Variants in DNMT3A observed in about 807,000 individuals in gnomAD.
DNMT3A encodes DNA methyltransferase 3 alpha.
Under a neutral mutation model 117.6 loss-of-function variants are expected in DNMT3A, and 267 were observed. That is an observed-to-expected ratio of 2.27 (90% CI 2.05 to 2.51). The LOEUF is 2.51. Ranked by LOEUF, DNMT3A falls within the 30% of genes most tolerant of loss-of-function variation. DNMT3A has a pLI of 0.00. For synonymous variants in DNMT3A, 432 were observed against 474.8 expected, an observed-to-expected ratio of 0.91 and a Z score of 1.17; for missense variants, 1,029 against 1,260.2, an observed-to-expected ratio of 0.82 and a Z score of 2.78.
At position 25,241,648 on chromosome 2, in the gene DNMT3A, A is replaced by T; in HGVS notation, c.1996T>A (p.Cys666Ser). The T allele has an allele frequency of 6.2e-7, 1 of 1,614,096 alleles. No homozygotes were observed. Among genetic ancestry groups the T allele is most frequent in the Non-Finnish European group, 8.5e-7 (1 of 1,180,000 alleles). ...QVDRYIASEV[C>S]EDSITVGMVR... is the part of the protein sequence containing the mutation. ...ATGCCCACCGTGATGGAGTCCTCAC[A>T]CACCTCCGAGGCAATGTAGCGGTCC... is the stretch of plus-strand genomic sequence containing the variant. The change falls in exon 17 of 23, where the codon TGT becomes AGT. Residue 666 changes from cysteine to serine, a missense_variant. Transcript: ENST00000321117.
chr2:25,251,171 A>T (rs1459794772), intron 6 of DNMT3A, among the ~76,000 whole-genome samples: 1 of 70,548 alleles, frequency 1.4e-5, no homozygotes. Flanking sequence ...GGGGTGGGTG[A>T]GCAGCAGGGG....
chr2:25,302,190 G>A (rs1376117355), intron 2 of DNMT3A, among the ~76,000 whole-genome samples: 5 of 152,098 alleles, frequency 3.3e-5, no homozygotes, highest in Non-Finnish European at 7.4e-5. Flanking sequence ...GCTCACACAG[G>A]AGATAGAGAG....
chr2:25,238,824 C>T (rs117723900), intron 20 of DNMT3A, among the ~76,000 whole-genome samples: 9 of 152,294 alleles, frequency 5.9e-5, no homozygotes, highest in East Asian at 1.9e-4. Context: ...CCAGAGGGCT[C>T]GGGACACATC....
intron 3 of DNMT3A, among the ~76,000 whole-genome samples, chr2:25,287,740 C>CCA (rs1171490403): frequency 8.6e-5 from 13 of 151,708 alleles, no homozygotes; most frequent in African/African-American, 3.1e-4. Context: ...CCCCCGCCCC[C>CCA]AACAGAGATT....
chr2:25,282,739 G>A lies in DNMT3A; in HGVS notation c.178-28C>T, dbSNP rs776296176. 9 of 1,513,042 alleles carry A rather than the reference G, an allele frequency of 5.9e-6. No individual in the cohort carries two copies. Among genetic ancestry groups the A allele is most frequent in the East Asian group, 2.3e-5 (1 of 43,482 alleles). The allele number at this position is 1,513,042 out of a possible 1,614,324, so 93.7% of individuals were successfully genotyped here. On this transcript the variant is annotated intron_variant, in intron 3 of 22. Coordinates refer to ENST00000321117, the MANE Select transcript of DNMT3A (RefSeq NM_022552.5). This position sits in a 1 kb window ranked among gnomAD's most constrained non-coding sequence, Gnocchi z 5.2. ...GCAAATGTAAGAAAGATACACAAGA[G>A]GAGGGTTAGATCAGTGGGCTTAGCC...
chr2:25,320,103 C>T (rs1311829107), intron 1 of DNMT3A, among the ~76,000 whole-genome samples: 1 of 152,132 alleles, frequency 6.6e-6, no homozygotes, highest in East Asian at 1.9e-4. Context: ...GATGTGTGTC[C>T]TGGAAGATGT....
chr2:25,234,605 A>T lies in DNMT3A; in HGVS notation c.2598-185T>A, dbSNP rs1673147460. Among the ~76,000 whole-genome samples the T allele has an allele frequency of 6.6e-6, 1 of 152,156 alleles. No homozygotes were observed. Among genetic ancestry groups the T allele is most frequent in the African/African-American group, 2.4e-5 (1 of 41,426 alleles). ...CTGCCGAATCTTCTGTCCTTTATAA[A>T]CAACCCGGCACTCAGATCACCAACC... On this transcript the variant is annotated intron_variant, in intron 22 of 22. Transcript: ENST00000321117. This position sits in a 1 kb window ranked among gnomAD's most constrained non-coding sequence, Gnocchi z 4.5.
At chr2:25,290,603 T>C (rs2032682149) in intron 3 of DNMT3A, among the ~76,000 whole-genome samples, 1 of 152,236 alleles carries the variant, frequency 6.6e-6, no homozygotes, top group African/African-American at 2.4e-5. Context: ...ATTACAGGCG[T>C]GAGCCACCAC....
intron 3 of DNMT3A, among the ~76,000 whole-genome samples, chr2:25,289,193 C>T (rs1318170317): frequency 6.6e-6 from 1 of 152,100 alleles, no homozygotes; most frequent in Admixed American, 6.5e-5. Context: ...ACCTCCACCT[C>T]CCGGATTCAA....
chr2:25,342,235 G>C (rs886222643), upstream of DNMT3A, among the ~76,000 whole-genome samples: 2 of 147,470 alleles, frequency 1.4e-5, no homozygotes, highest in African/African-American at 2.5e-5. The surrounding 1 kb of genome is among the most constrained non-coding windows in gnomAD (Gnocchi z 5.9). Flanking sequence ...CCCTCGGCGC[G>C]ACTTCCCGGC....
rs1325765349 is a variant in DNMT3A, at chr2:25,293,735, A to T, written c.177+6404T>A. On this transcript the variant is annotated intron_variant, in intron 3 of 22. Coordinates refer to ENST00000321117, the MANE Select transcript of DNMT3A (RefSeq NM_022552.5). This position sits in a 1 kb window ranked among gnomAD's most constrained non-coding sequence, Gnocchi z 4.7. ...AGCCCAGGCTGGAGTGCAGTGGCAC[A>T]ATCTCGGCTCACTGCAACCTCTGCC... Among the ~76,000 whole-genome samples the T allele has an allele frequency of 1.3e-5, 2 of 152,148 alleles. No homozygotes were observed. Among genetic ancestry groups the T allele is most frequent in the Non-Finnish European group, 2.9e-5 (2 of 68,016 alleles).
rs778834189 is a variant in DNMT3A at position 25,244,614 on chromosome 2, G to A, written c.1593C>T (p.Asp531=). The change falls in exon 14 of 23, where the codon GAC becomes GAT. Residue 531 remains aspartate (D), a synonymous_variant. Transcript: ENST00000321117. ...AGATGGTGCAGTAGGACTGGTAGCC[G>A]TCGTCGTCGTACTGGTACGCACACT... The part of the protein sequence containing the change: ...FLECAYQYDD[D]GYQSYCTICC... 2.5e-6 allele frequency: 4 copies of A among 1,614,080 alleles called. No individual in the cohort carries two copies. The highest frequency in any genetic ancestry group is 2.5e-6 in the Non-Finnish European group (3 of 1,179,946).
At chr2:25,250,380 C>A (rs552704518) in intron 6 of DNMT3A, among the ~76,000 whole-genome samples, 1 of 152,318 alleles carries the variant, frequency 6.6e-6, no homozygotes, top group African/African-American at 2.4e-5. Context: ...AATTCTAAAA[C>A]AGGATAATGC....
At chr2:25,242,414 G>C (rs1419567965) in intron 16 of DNMT3A, among the ~76,000 whole-genome samples, 1 of 152,190 alleles carries the variant, frequency 6.6e-6, no homozygotes, top group African/African-American at 2.4e-5. Context: ...GGGAGAAACA[G>C]GGTACGGCAC....
intron 6 of DNMT3A, among the ~76,000 whole-genome samples, chr2:25,261,538 C>T (rs1233984569): frequency 2.1e-5 from 3 of 141,460 alleles, no homozygotes; most frequent in Non-Finnish European, 3.0e-5. Context: ...ACCCAGGAGG[C>T]GGAGGTTGAA....
chr2:25,240,335 A>G lies in DNMT3A; in HGVS notation c.2289T>C (p.Val763=), dbSNP rs2149271318. The G allele has an allele frequency of 1.2e-6, 2 of 1,614,224 alleles. No homozygotes were observed. Among genetic ancestry groups the G allele is most frequent in the Non-Finnish European group, 1.7e-6 (2 of 1,180,042 alleles). Residue 763 remains valine, a synonymous_variant, in exon 19 of 23, where the codon GTT becomes GTC. Transcript: ENST00000321117. ...WLFENVVAMG[V]SDKRDISRFL... is the part of the protein sequence containing the mutation. ...ATCGCGAGATGTCCCTCTTGTCACT[A>G]ACGCCCATGGCCACCACATTCTCAA...
At position 25,286,324 on chromosome 2, in the gene DNMT3A, G is replaced by A. The variant is rs2032308518; in HGVS notation, c.178-3613C>T. Among the ~76,000 whole-genome samples, 1 of 152,228 alleles carries A rather than the reference G, an allele frequency of 6.6e-6. No homozygotes were observed. The highest frequency in any genetic ancestry group is 1.5e-5 in the Non-Finnish European group (1 of 68,028). On this transcript the variant is annotated intron_variant, in intron 3 of 22. Transcript: ENST00000321117. The surrounding 1 kb of genome is among the most constrained non-coding windows in gnomAD (Gnocchi z 4.3). ...CCCAGTCTGCAACAGCACCAGATGC[G>A]CCATTCTCCCAGAGATGCCCCCAAA... is the stretch of plus-strand genomic sequence containing the variant.
At chr2:25,315,958 G>A (rs984827453) in intron 1 of DNMT3A, among the ~76,000 whole-genome samples, 4 of 152,236 alleles carry the variant, frequency 2.6e-5, no homozygotes, top group Middle Eastern at 3.2e-3. Context: ...CCCAAAGTCC[G>A]CAGGGGTGGG....
intron 6 of DNMT3A, among the ~76,000 whole-genome samples, chr2:25,258,180 G>T (rs1038586913): frequency 3.9e-5 from 6 of 152,190 alleles, no homozygotes; most frequent in Admixed American, 3.9e-4. Context: ...AGATGATTTG[G>T]GCTAAAAGAG....
Sources: gnomAD v4.1 joint callset for allele counts (sites outside exome capture counted in the v4.1 genomes callset) on GRCh38, gnomAD v4.1.1 for gene constraint, Gnocchi (gnomAD v3.1) non-coding constraint, MANE v1.5 for transcripts, NCBI Gene and HGNC (gene_info 2026-07-23, HGNC 2026-07-21) for gene names.